The following CYP2J2 variants were observed in gnomAD, a reference collection of about 807,000 sequenced individuals.
CYP2J2 encodes cytochrome P450 family 2 subfamily J member 2.
CYP2J2 carries 41 observed loss-of-function variants against 48.8 expected under a neutral mutation model. The ratio of observed to expected loss-of-function variants is 0.84; its 90% CI spans 0.66 to 1.09. CYP2J2 has a LOEUF of 1.09. CYP2J2 is among the 50% of genes least tolerant of loss of function. CYP2J2 has a pLI of 0.00. For missense variants in CYP2J2, 644 were observed against 617.3 expected, an observed-to-expected ratio of 1.04 and a Z score of -0.46; for synonymous variants, 221 against 227.1, an observed-to-expected ratio of 0.97 and a Z score of 0.24.
At chr1:59,894,343 C>T (rs1211709505) in intron 8 of CYP2J2, among the ~76,000 whole-genome samples, 2 of 152,164 alleles carry the variant, frequency 1.3e-5, no homozygotes, top group African/African-American at 2.4e-5. Flanking sequence ...GCATGGGTGG[C>T]CCTCTGTATT....
the CYP2J2 span, among the ~76,000 whole-genome samples, chr1:59,947,834 A>G: frequency 6.6e-6 from 1 of 151,894 alleles, no homozygotes; most frequent in Non-Finnish European, 1.5e-5. Flanking sequence ...TTCTGCATGT[A>G]TAATCTTGTG....
At chr1:59,956,332 T>G in the CYP2J2 span, among the ~76,000 whole-genome samples, 3 of 152,102 alleles carry the variant, frequency 2.0e-5, no homozygotes, top group Non-Finnish European at 2.9e-5. Flanking sequence ...CATAAGGAAG[T>G]GTGTGTTGGA....
intron 8 of CYP2J2, among the ~76,000 whole-genome samples, 163 bp from the exon 9 acceptor site, chr1:59,893,992 G>C (rs543027197): frequency 6.4e-4 from 98 of 152,272 alleles, no homozygotes; most frequent in Admixed American, 2.1e-3. Context: ...TAACCACTTG[G>C]GTTCATCAAT....
At chr1:59,916,871 T>A (rs1008221201) in intron 1 of CYP2J2, among the ~76,000 whole-genome samples, 2 of 152,182 alleles carry the variant, frequency 1.3e-5, no homozygotes, top group African/African-American at 4.8e-5. Context: ...ACATGATTAG[T>A]GTTAATCTGG....
chr1:59,933,302 A>C, the CYP2J2 span, among the ~76,000 whole-genome samples: 2 of 152,220 alleles, frequency 1.3e-5, no homozygotes, highest in Admixed American at 6.5e-5. Context: ...ACAAGGCTAA[A>C]AATGAGTGCA....
chr1:59,947,512 C>T, the CYP2J2 span, among the ~76,000 whole-genome samples: 1 of 152,086 alleles, frequency 6.6e-6, no homozygotes, highest in Admixed American at 6.5e-5. Flanking sequence ...TTGAGTCCGC[C>T]CCCATGTGGT....
the CYP2J2 span, among the ~76,000 whole-genome samples, chr1:59,935,613 A>G: frequency 6.6e-6 from 1 of 152,260 alleles, no homozygotes; most frequent in Non-Finnish European, 1.5e-5. Flanking sequence ...ATAGTTATAT[A>G]TCTAGCAAAA....
chr1:59,944,646 A>G, the CYP2J2 span, among the ~76,000 whole-genome samples: 32 of 152,312 alleles, frequency 2.1e-4, no homozygotes, highest in South Asian at 2.7e-3. Flanking sequence ...TCTATTTCCT[A>G]CGTACAAGAA....
chr1:59,941,350 T>G, the CYP2J2 span, among the ~76,000 whole-genome samples: 2 of 148,854 alleles, frequency 1.3e-5, no homozygotes, highest in African/African-American at 5.2e-5. Context: ...TGTAACACAT[T>G]ACTCACATAT....
the CYP2J2 span, among the ~76,000 whole-genome samples, chr1:59,947,877 G>A: frequency 6.6e-6 from 1 of 151,698 alleles, no homozygotes; most frequent in Admixed American, 6.6e-5. Flanking sequence ...CTTTCTACTG[G>A]AAGAAGTATC....
chr1:59,945,307 T>C, the CYP2J2 span, among the ~76,000 whole-genome samples: 7 of 152,102 alleles, frequency 4.6e-5, no homozygotes, highest in African/African-American at 1.7e-4. Context: ...ATTTTTTTTT[T>C]CTACCATGGC....
Position 59,901,107 on chromosome 1 carries a change from G to A in CYP2J2, c.1192-4C>T. On this transcript the variant is annotated splice_polypyrimidine_tract_variant and splice_region_variant and intron_variant, in intron 7 of 8. Transcript: ENST00000371204. ...AATTGGTCAGGATCATGGTACCCTA[G>A]AGAAAGCAGCAGAGACTCAGGCAAG... 1.2e-6 allele frequency: 2 copies of A among 1,612,224 alleles called. No individual in the cohort carries two copies.
chr1:59,959,377 T>C, the CYP2J2 span, among the ~76,000 whole-genome samples: 1 of 147,722 alleles, frequency 6.8e-6, no homozygotes, highest in Non-Finnish European at 1.5e-5. Flanking sequence ...TAAAAGTAGA[T>C]CTGCTATTTG....
chr1:59,928,395 T>C (rs969830009), upstream of CYP2J2, among the ~76,000 whole-genome samples: 1 of 152,190 alleles, frequency 6.6e-6, no homozygotes, highest in African/African-American at 2.4e-5. Context: ...TAAATGCTAG[T>C]AAACACAGTA....
At chr1:59,922,267 C>T (rs11572212) in intron 1 of CYP2J2, among the ~76,000 whole-genome samples, 133 of 152,238 alleles carry the variant, frequency 8.7e-4, no homozygotes, top group African/African-American at 3.1e-3. Context: ...GTTCACTGTT[C>T]GTTCTCAGTC....
the CYP2J2 span, among the ~76,000 whole-genome samples, chr1:59,937,221 A>G: frequency 6.6e-6 from 1 of 152,196 alleles, no homozygotes; most frequent in Non-Finnish European, 1.5e-5. Context: ...GCCATATTCT[A>G]GTCTATTGGA....
At chr1:59,918,761 A>G (rs372353912) in intron 1 of CYP2J2, among the ~76,000 whole-genome samples, 14 of 152,168 alleles carry the variant, frequency 9.2e-5, no homozygotes, top group African/African-American at 3.1e-4. Context: ...TCAGAAATGA[A>G]AATAGAAAAA....
In CYP2J2 at chr1:59,909,130, G is replaced by A. The variant is rs144368618; in HGVS notation, c.861+654C>T. On this transcript the variant is annotated intron_variant, in intron 5 of 8. Transcript: ENST00000371204. ...GCATTCACAGGACCTCAAACCAAAT[G>A]CTATTAACCCTTGTCTTTATCTCTA... Among the ~76,000 whole-genome samples, 5 of 152,298 alleles carry A rather than the reference G, an allele frequency of 3.3e-5. No homozygotes were observed. In the East Asian group the frequency reaches 9.6e-4, roughly 29 times the overall value.
intron 4 of CYP2J2, 44 bp from the exon 5 acceptor site, chr1:59,910,004 AT>A: frequency 3.4e-6 from 5 of 1,476,294 alleles, no homozygotes; most frequent in East Asian, 4.8e-5. Flanking sequence ...ACATGGTGCC[AT>A]TTTTTTCTTT....
Sources: gnomAD v4.1 joint callset for allele counts (sites outside exome capture counted in the v4.1 genomes callset) on GRCh38, gnomAD v4.1.1 for gene constraint, MANE v1.5 for transcripts, NCBI Gene and HGNC (gene_info 2026-07-23, HGNC 2026-07-21) for gene names.